The following TASOR2 variants were observed in gnomAD, a reference collection of about 807,000 sequenced individuals.
The protein encoded by TASOR2 is protein TASOR 2.
A neutral mutation model predicts 199.5 loss-of-function variants in TASOR2; 84 were observed. That is an observed-to-expected ratio of 0.42 (90% CI 0.35 to 0.50). The LOEUF is 0.50. Ranked by LOEUF, TASOR2 falls within the 20% of genes least tolerant of loss-of-function variation. The pLI is 0.02. For missense variants in TASOR2, 2,796 were observed against 2,835.9 expected (o/e 0.99, Z 0.32); for synonymous variants, 1,103 against 1,046.6 (o/e 1.05, Z -1.04).
chr10:5,755,018 C>T (rs1292408757), intron 15 of TASOR2, among the ~76,000 whole-genome samples: 1 of 138,826 alleles, frequency 7.2e-6, no homozygotes, highest in Non-Finnish European at 1.5e-5. Context: ...TGCACTCCAG[C>T]CTGGGCAACA....
chr10:5,712,753 A>G, intron 1 of TASOR2, 70 bp from the exon 2 acceptor site: 2 of 861,398 alleles, frequency 2.3e-6, no homozygotes, highest in South Asian at 6.1e-5. Context: ...CAAATGATGC[A>G]TTTTTAAAAA....
intron 1 of TASOR2, among the ~76,000 whole-genome samples, chr10:5,693,385 G>C (rs145063605): frequency 6.6e-6 from 1 of 152,214 alleles, no homozygotes; most frequent in Non-Finnish European, 1.5e-5. Flanking sequence ...CTCCCTTTGT[G>C]CGTGCCGTGA....
chr10:5,757,030 C>T (rs1376610264), intron 16 of TASOR2, among the ~76,000 whole-genome samples: 2 of 152,170 alleles, frequency 1.3e-5, no homozygotes, highest in Admixed American at 1.3e-4. Context: ...AGAAATCTTG[C>T]CTTAAAAGAC....
chr10:5,742,021 A>T lies in TASOR2; in HGVS notation c.2328-76A>T, dbSNP rs529638897. 12 of 1,384,094 alleles carry T rather than the reference A, an allele frequency of 8.7e-6. No individual in the cohort carries two copies. In the East Asian group the frequency reaches 2.5e-4, roughly 29 times the overall value. 85.7% of individuals were successfully genotyped at this position (1,384,094 alleles called of 1,614,324 possible). A position where few individuals can be genotyped will look rare whatever the true frequency, so the allele number is the denominator to read the frequency against. On this transcript the variant is annotated intron_variant, in intron 13 of 20. Transcript: ENST00000328090. This position sits in a 1 kb window ranked among gnomAD's most constrained non-coding sequence, Gnocchi z 4.2. The stretch of plus-strand genomic sequence containing the variant: ...ACAAAAACTAAGGAATATTGGAGGC[A>T]CTTGCTTATGATAAGGTAATCAACT...
At chr10:5,717,027 CAAAAA>C (rs71388471) in intron 2 of TASOR2, among the ~76,000 whole-genome samples, 2 of 124,678 alleles carry the variant, frequency 1.6e-5, no homozygotes, top group Non-Finnish European at 3.4e-5. Flanking sequence ...GCTTACATCT[CAAAAA>C]AAAAAAAAAA....
intron 3 of TASOR2, among the ~76,000 whole-genome samples, chr10:5,718,680 A>G (rs1195721002): frequency 6.6e-6 from 1 of 151,478 alleles, no homozygotes; most frequent in Non-Finnish European, 1.5e-5. Flanking sequence ...AATCACTTGA[A>G]CCTGGAAGGC....
intron 11 of TASOR2, among the ~76,000 whole-genome samples, chr10:5,732,993 G>T (rs1021705375): frequency 2.6e-5 from 4 of 152,142 alleles, no homozygotes; most frequent in Non-Finnish European, 5.9e-5. Flanking sequence ...CAGATTCCAG[G>T]CCAACCATAC....
Position 5,719,467 on chromosome 10 carries a change from C to T in TASOR2, c.-99-1077C>T, listed in dbSNP as rs1281392710. On this transcript the variant is annotated intron_variant, in intron 3 of 20. Transcript: ENST00000328090. The surrounding 1 kb of genome is among the most constrained non-coding windows in gnomAD (Gnocchi z 4.1). ...AAGCAATTTTCCTACCTCAGCCTCCCAAGTGGCTGGGACTACAGGCGCGCG... is the reference window on the plus strand; with the variant it reads ...AAGCAATTTTCCTACCTCAGCCTCCTAAGTGGCTGGGACTACAGGCGCGCG... Among the ~76,000 whole-genome samples, 7 of 152,072 alleles carry T rather than the reference C, an allele frequency of 4.6e-5. No individual in the cohort carries two copies. The highest frequency in any genetic ancestry group is 1.3e-4 in the Admixed American group (2 of 15,270).
rs78123887 is a variant in TASOR2, at chr10:5,754,402, T to A, written c.6607-2211T>A. ...CATAGCAGAAGTACTTTTTTTTTTT[T>A]AATTGAGATGAAGTTTTGCTCTTGT... On this transcript the variant is annotated intron_variant, in intron 15 of 20. Coordinates refer to ENST00000328090, the Ensembl canonical transcript of TASOR2. The surrounding 1 kb of genome is among the most constrained non-coding windows in gnomAD (Gnocchi z 4.3). Among the ~76,000 whole-genome samples the A allele has an allele frequency of 5.3e-5, 8 of 151,972 alleles. No homozygotes were observed. Among genetic ancestry groups the A allele is most frequent in the African/African-American group, 1.2e-4 (5 of 41,384 alleles).
chr10:5,748,927 G>A lies in TASOR2; in HGVS notation c.5506G>A (p.Gly1836Ser), dbSNP rs186674940. The A allele has an allele frequency of 4.9e-4, 785 of 1,614,058 alleles. 2 individuals carry two copies. The highest frequency in any genetic ancestry group is 4.6e-3 in the Middle Eastern group (28 of 6,062). The change falls in exon 15 of 21, where the codon GGT (glycine) becomes AGT (serine). Residue 1836 changes from glycine to serine, a missense_variant. By Grantham distance (56) the Gly-to-Ser change is moderately conservative (BLOSUM62 0). Around this residue, in one of 3 missense-constraint regions of TASOR2, gnomAD observed 1,941 missense variants for 1,924.9 expected, o/e 1.01. Coordinates refer to ENST00000328090, the Ensembl canonical transcript of TASOR2. This position sits in a 1 kb window ranked among gnomAD's most constrained non-coding sequence, Gnocchi z 5.1. ...TGGAGATTCTGATCTAGACCTGCTT[G>A]GTGATTGTAGAAATCCCAGACTGGA...
rs370212726 is a variant in TASOR2 at position 5,756,754 on chromosome 10, C to T, written c.6732+16C>T. On this transcript the variant is annotated intron_variant, in intron 16 of 20. Coordinates refer to ENST00000328090, the Ensembl canonical transcript of TASOR2. ...TTTGCATCAGGTCGGTTGGAAATAC[C>T]TTACAAAGAAACGTATTCCAGGCAC... is the stretch of plus-strand genomic sequence containing the variant. 2 of 1,608,694 alleles carry T rather than the reference C, an allele frequency of 1.2e-6. No individual in the cohort carries two copies. The highest frequency in any genetic ancestry group is 1.7e-6 in the Non-Finnish European group (2 of 1,177,948).
At chr10:5,721,004 T>C (rs1833290024) in intron 6 of TASOR2, 34 bp downstream of exon 7, 1 of 1,532,214 alleles carries the variant, frequency 6.5e-7, no homozygotes, top group Non-Finnish European at 8.9e-7. Flanking sequence ...TTACTAATGC[T>C]TATATTACAA....
chr10:5,744,063 A>G (rs927658369), intron 14 of TASOR2: 9 of 152,214 alleles, frequency 5.9e-5, no homozygotes, highest in African/African-American at 1.7e-4. Context: ...GAAGCATTAC[A>G]CTTTACCTGT....
In TASOR2 at chr10:5,687,416, T is replaced by C. The variant is rs1333332994; in HGVS notation, c.-288+2241T>C. 2.6e-5 allele frequency among the ~76,000 whole-genome samples: 4 copies of C among 152,260 alleles called. No homozygotes were observed. The highest frequency in any genetic ancestry group is 6.5e-5 in the Admixed American group (1 of 15,286). Reference sequence around the variant, plus strand: ...TTAAATAAAGTCATTCTGTATTCTATGAGTTACTTTTGTTAAACATTGTTT... The same window carrying C: ...TTAAATAAAGTCATTCTGTATTCTACGAGTTACTTTTGTTAAACATTGTTT... On this transcript the variant is annotated intron_variant, in intron 1 of 20. Transcript: ENST00000328090. The surrounding 1 kb of genome is among the most constrained non-coding windows in gnomAD (Gnocchi z 4.8).
chr10:5,711,506 A>G (rs551994085), intron 1 of TASOR2, among the ~76,000 whole-genome samples: 171 of 152,268 alleles, frequency 1.1e-3, no homozygotes, highest in African/African-American at 3.9e-3. Flanking sequence ...CCCAACCTTA[A>G]TAAAGAGAAT....
In TASOR2 at chr10:5,738,690, C is replaced by A. The variant is rs1835951857; in HGVS notation, c.1448-928C>A. ...GGCCTTGGCTGGCAGGTTGTTAATT[C>A]ATTTTGGACCTGCTACTATGATAAA... On this transcript the variant is annotated intron_variant, in intron 12 of 20. Transcript: ENST00000328090. This position sits in a 1 kb window ranked among gnomAD's most constrained non-coding sequence, Gnocchi z 4.7. Among the ~76,000 whole-genome samples, 1 of 152,210 alleles carries A rather than the reference C, an allele frequency of 6.6e-6. No homozygotes were observed. The highest frequency in any genetic ancestry group is 2.1e-4 in the South Asian group (1 of 4,832).
At chr10:5,760,019 T>TA (rs1839559608) in intron 18 of TASOR2, among the ~76,000 whole-genome samples, 2 of 152,152 alleles carry the variant, frequency 1.3e-5, no homozygotes, top group Admixed American at 1.3e-4. Context: ...TTCTAGGGCT[T>TA]TGGGTAGAGA....
intron 11 of TASOR2, 138 bp from the exon 13 acceptor site, chr10:5,735,166 C>A: frequency 2.0e-6 from 2 of 985,748 alleles, no homozygotes; most frequent in Non-Finnish European, 2.9e-6. Context: ...TAATTAAATA[C>A]CTGAAACTTC....
intron 14 of TASOR2, among the ~76,000 whole-genome samples, chr10:5,743,138 C>T (rs764869770): frequency 7.2e-5 from 11 of 152,184 alleles, no homozygotes; most frequent in Non-Finnish European, 1.3e-4. Context: ...AAATTCTAAG[C>T]AAATGAATTG....
Sources: gnomAD v4.1 joint callset for allele counts (sites outside exome capture counted in the v4.1 genomes callset) on GRCh38, gnomAD v4.1.1 for gene constraint, gnomAD v4.1.1 regional missense constraint, Gnocchi (gnomAD v3.1) non-coding constraint, MANE v1.5 for transcripts, NCBI Gene and HGNC (gene_info 2026-07-23, HGNC 2026-07-21) for gene names.